The following PTGFR variants were observed in gnomAD, a reference collection of about 807,000 sequenced individuals.
PTGFR encodes the protein prostaglandin F2-alpha receptor.
A neutral mutation model predicts 26.2 loss-of-function variants in PTGFR; 15 were observed. The ratio of observed to expected loss-of-function variants is 0.57; its 90% CI spans 0.38 to 0.88. PTGFR has a LOEUF of 0.88. Ranked by LOEUF, PTGFR falls within the 40% of genes least tolerant of loss-of-function variation. PTGFR has a pLI of 0.00. For synonymous variants in PTGFR, 165 were observed against 151.1 expected (o/e 1.09, Z -0.68); for missense variants, 369 against 427.2 (o/e 0.86, Z 1.20).
intron 2 of PTGFR, among the ~76,000 whole-genome samples, chr1:78,518,116 T>G (rs1650136231): frequency 6.6e-6 from 1 of 152,060 alleles, no homozygotes; most frequent in Admixed American, 6.6e-5. Context: ...ATCCCAGAAC[T>G]TAAAGTAGAA....
rs1650761877 is a variant in PTGFR, at chr1:78,540,190, G to GTTTCTC, written c.*3503_*3504insTTTCTC. On this transcript the variant is annotated 3_prime_UTR_variant, in exon 3 of 3. Transcript: ENST00000370757. ...TGTTTCTCAAACTACAGAGCATGGT[G>GTTTCTC]AATCACACACAGGCTGTTAGAATAT... 6.6e-6 allele frequency among the ~76,000 whole-genome samples: 1 copy of GTTTCTC among 152,062 alleles called. No homozygotes were observed.
rs867633924 is a variant in PTGFR at position 78,534,763 on chromosome 1, C to T, written c.799-1643C>T. On this transcript the variant is annotated intron_variant, in intron 2 of 2. Coordinates refer to ENST00000370757, the MANE Select transcript of PTGFR (RefSeq NM_000959.4). ...GGCAATTTGCTTTTTAAAAGGTTAACACTGAATCACAAACATTAAAGTCCG... is the reference window on the plus strand; with the variant it reads ...GGCAATTTGCTTTTTAAAAGGTTAATACTGAATCACAAACATTAAAGTCCG... 4.8e-4 allele frequency among the ~76,000 whole-genome samples: 73 copies of T among 151,992 alleles called. 1 individual carries two copies. Among genetic ancestry groups the T allele is most frequent in the African/African-American group, 1.7e-3 (69 of 41,460 alleles).
chr1:78,510,555 C>T (rs1649939953), intron 2 of PTGFR, among the ~76,000 whole-genome samples: 1 of 152,140 alleles, frequency 6.6e-6, no homozygotes, highest in Admixed American at 6.5e-5. Flanking sequence ...GATGAATTCA[C>T]CTCCCACCAG....
At chr1:78,535,865 T>TTAAGGC (rs1256313099) in intron 2 of PTGFR, among the ~76,000 whole-genome samples, 2 of 152,156 alleles carry the variant, frequency 1.3e-5, no homozygotes, top group Non-Finnish European at 2.9e-5. Context: ...TTTAGCCAAG[T>TTAAGGC]TAAGGCTAAG....
intron 2 of PTGFR, among the ~76,000 whole-genome samples, chr1:78,523,272 A>G (rs891901035): frequency 2.0e-5 from 3 of 152,230 alleles, no homozygotes; most frequent in Non-Finnish European, 2.9e-5. Flanking sequence ...TTACTGATAT[A>G]TTTTTCCAAA....
chr1:78,520,770 G>A (rs921667047), intron 2 of PTGFR, among the ~76,000 whole-genome samples: 3 of 152,038 alleles, frequency 2.0e-5, no homozygotes, highest in African/African-American at 2.4e-5. Flanking sequence ...TGTTTTTTAT[G>A]TTAAAATTCA....
At chr1:78,505,051 A>C (rs1158541627) in intron 2 of PTGFR, among the ~76,000 whole-genome samples, 1 of 152,012 alleles carries the variant, frequency 6.6e-6, no homozygotes, top group Non-Finnish European at 1.5e-5. Context: ...TTTGAATAAA[A>C]ATTTTGTAAC....
At chr1:78,497,992 C>A in intron 2 of PTGFR, 1 of 1,359,190 alleles carries the variant, frequency 7.4e-7, no homozygotes, top group Non-Finnish European at 1.0e-6. Flanking sequence ...AGAATTGGAG[C>A]TTGATTTTCC....
intron 2 of PTGFR, among the ~76,000 whole-genome samples, chr1:78,498,613 C>G (rs61769119): frequency 4.6e-5 from 7 of 152,256 alleles, no homozygotes; most frequent in South Asian, 4.1e-4. Context: ...GTGTTCACTG[C>G]TTGGGTGATA....
intron 2 of PTGFR, among the ~76,000 whole-genome samples, chr1:78,510,023 A>G (rs974728794): frequency 6.6e-6 from 1 of 152,202 alleles, no homozygotes; most frequent in African/African-American, 2.4e-5. Context: ...AGTTCAACTC[A>G]TCCAAAGATT....
intron 2 of PTGFR, among the ~76,000 whole-genome samples, chr1:78,526,690 A>G (rs920067188): frequency 1.1e-4 from 16 of 152,148 alleles, no homozygotes; most frequent in Non-Finnish European, 1.8e-4. Flanking sequence ...TGACACAGTG[A>G]GCAATCCTTA....
At chr1:78,528,577 T>C (rs1422009432) in intron 2 of PTGFR, among the ~76,000 whole-genome samples, 2 of 152,198 alleles carry the variant, frequency 1.3e-5, no homozygotes, top group African/African-American at 4.8e-5. Flanking sequence ...GTTGGTCTTC[T>C]AGTATCTTTG....
chr1:78,524,583 A>T (rs1650323044), intron 2 of PTGFR, among the ~76,000 whole-genome samples: 1 of 152,076 alleles, frequency 6.6e-6, no homozygotes, highest in African/African-American at 2.4e-5. Context: ...TGGCAATACA[A>T]CCTGATCAGA....
chr1:78,526,632 T>TA (rs1056497171), intron 2 of PTGFR, among the ~76,000 whole-genome samples: 27 of 151,952 alleles, frequency 1.8e-4, no homozygotes, highest in Admixed American at 6.6e-5. Flanking sequence ...AATGAACAAA[T>TA]AAAAAGAATG....
chr1:78,530,810 A>C (rs866798087), intron 2 of PTGFR, among the ~76,000 whole-genome samples: 17 of 152,208 alleles, frequency 1.1e-4, no homozygotes, highest in Non-Finnish European at 1.3e-4. Flanking sequence ...AGTGGAAGAC[A>C]GATTTGAAAT....
chr1:78,526,887 A>G (rs986054541), intron 2 of PTGFR, among the ~76,000 whole-genome samples: 14 of 152,168 alleles, frequency 9.2e-5, no homozygotes, highest in African/African-American at 3.1e-4. Flanking sequence ...TGACTTGTCC[A>G]TAAAATAGAG....
chr1:78,496,366 T>C (rs1298539494), intron 2 of PTGFR, among the ~76,000 whole-genome samples: 2 of 152,204 alleles, frequency 1.3e-5, no homozygotes, highest in Non-Finnish European at 2.9e-5. Context: ...TTTTTAAAAA[T>C]ACCCCTGAAA....
chr1:78,532,213 C>T (rs1425308798), intron 2 of PTGFR: 4 of 402,434 alleles, frequency 9.9e-6, no homozygotes, highest in Non-Finnish European at 2.0e-5. Context: ...GCTTTTAAAG[C>T]GATAAGACAC....
intron 2 of PTGFR, among the ~76,000 whole-genome samples, chr1:78,510,363 G>A (rs1055604896): frequency 2.0e-5 from 3 of 152,088 alleles, no homozygotes; most frequent in Non-Finnish European, 4.4e-5. Flanking sequence ...GTCCCAGGGA[G>A]CTTTGACTCA....
Sources: allele counts gnomAD v4.1 joint callset (sites outside exome capture counted in the v4.1 genomes callset), GRCh38; gene constraint gnomAD v4.1.1; transcripts MANE v1.5; gene names NCBI Gene and HGNC (gene_info 2026-07-23, HGNC 2026-07-21).